The following SEMA4D variants were observed in gnomAD, a reference collection of about 807,000 sequenced individuals.
The protein encoded by SEMA4D is semaphorin-4D.
SEMA4D carries 22 observed loss-of-function variants against 74.8 expected under a neutral mutation model. That is an observed-to-expected ratio of 0.29 (90% confidence interval 0.21 to 0.42). SEMA4D has a LOEUF of 0.42. Ranked by LOEUF, SEMA4D falls within the 10% of genes least tolerant of loss-of-function variation. The probability of loss-of-function intolerance (pLI) is 1.00; values close to 1 mark genes in which losing one functional copy is unlikely to be tolerated. For missense variants in SEMA4D, 937 were observed against 1,118.4 expected, an observed-to-expected ratio of 0.84 and a Z score of 2.31; for synonymous variants, 445 against 463.7, an observed-to-expected ratio of 0.96 and a Z score of 0.52.
In SEMA4D at chr9:89,498,082, A is replaced by G. The variant is rs1826174133; in HGVS notation, c.-473T>C. The G allele has an allele frequency of 6.7e-6, 1 of 148,770 alleles. No homozygotes were observed. Among genetic ancestry groups the G allele is most frequent in the South Asian group, 1.8e-4 (1 of 5,644 alleles). 9.2% of individuals were successfully genotyped at this position (148,770 alleles called of 1,614,324 possible). A position where few individuals can be genotyped will look rare whatever the true frequency, so the allele number is the denominator to read the frequency against. Reference sequence around the variant, plus strand: ...GGCGGCTGGGATGCTGCGGCGCGCGAGAGCGCTGAGGCCGGCGCGGGGACG... The same window carrying G: ...GGCGGCTGGGATGCTGCGGCGCGCGGGAGCGCTGAGGCCGGCGCGGGGACG... On this transcript the variant is annotated 5_prime_UTR_variant, in exon 1 of 16. Transcript: ENST00000422704.
intron 1 of SEMA4D, among the ~76,000 whole-genome samples, chr9:89,461,979 G>T (rs1319438691): frequency 6.6e-6 from 1 of 152,146 alleles, no homozygotes; most frequent in African/African-American, 2.4e-5. Context: ...GGGATTACAG[G>T]CATGAGACAC....
intron 9 of SEMA4D, 93 bp downstream of exon 9, chr9:89,391,171 T>G: frequency 8.0e-7 from 1 of 1,252,472 alleles, no homozygotes; most frequent in East Asian, 2.3e-5. Context: ...CTAGGGAAAG[T>G]GACATTTGAG....
Position 89,437,579 on chromosome 9 carries a change from C to T in SEMA4D, c.-244+18309G>A, listed in dbSNP as rs564045280. Among the ~76,000 whole-genome samples, 5 of 152,272 alleles carry T rather than the reference C, an allele frequency of 3.3e-5. No homozygotes were observed. In the South Asian group the frequency reaches 6.2e-4, roughly 19 times the overall value. ...CTGAGAGGGGAGGGCACAGGCCTGG[C>T]GCATGACTGGGCTCAGTGACACGGG... On this transcript the variant is annotated intron_variant, in intron 2 of 15. Coordinates refer to ENST00000422704, the MANE Select transcript of SEMA4D (RefSeq NM_001371194.2).
intron 2 of SEMA4D, among the ~76,000 whole-genome samples, chr9:89,438,290 C>T (rs1850902599): frequency 6.6e-6 from 1 of 152,256 alleles, no homozygotes. Flanking sequence ...GGGGCCTCAG[C>T]TGGTGCTGGA....
At chr9:89,454,079 G>T (rs571909329) in intron 2 of SEMA4D, among the ~76,000 whole-genome samples, 1 of 152,062 alleles carries the variant, frequency 6.6e-6, no homozygotes, top group African/African-American at 2.4e-5. Flanking sequence ...GGATGGTCTC[G>T]ATAGAATATA....
chr9:89,468,492 A>C (rs1385686048), intron 1 of SEMA4D, among the ~76,000 whole-genome samples: 1 of 152,238 alleles, frequency 6.6e-6, no homozygotes, highest in Non-Finnish European at 1.5e-5. Flanking sequence ...CCAAATAAAA[A>C]GTGACGGCAA....
intron 1 of SEMA4D, among the ~76,000 whole-genome samples, chr9:89,461,424 C>A (rs545101622): frequency 2.0e-5 from 3 of 152,148 alleles, no homozygotes; most frequent in Non-Finnish European, 4.4e-5. Flanking sequence ...AAGCAGCACT[C>A]GGGCTCCAAA....
At chr9:89,496,130 A>G (rs1467302014) in intron 1 of SEMA4D, among the ~76,000 whole-genome samples, 1 of 152,150 alleles carries the variant, frequency 6.6e-6, no homozygotes, top group African/African-American at 2.4e-5. Context: ...CTGGATATCA[A>G]ATGCAACATG....
intron 2 of SEMA4D, among the ~76,000 whole-genome samples, chr9:89,411,481 T>A (rs536022535): frequency 1.3e-5 from 2 of 152,148 alleles, no homozygotes; most frequent in Non-Finnish European, 2.9e-5. Flanking sequence ...TGTAGGCATA[T>A]CTAATTTGAA....
rs147086169 is a variant in SEMA4D at position 89,379,609 on chromosome 9, G to A, written c.1684C>T (p.Arg562Trp). ...CCACCGTGCTTGAAAAAATGCTGCC[G>A]GTAACTTCCTTTACTTTTATCTGGA... Reference protein sequence around the residue: ...VCPDKSKGSYRQHFFKHGGTA... With the variant: ...VCPDKSKGSYWQHFFKHGGTA... Residue 562 changes from arginine (R) to tryptophan (W), a missense_variant, in exon 16 of 16, where the codon CGG becomes TGG. Transcript: ENST00000422704. 5.0e-4 allele frequency: 808 copies of A among 1,610,076 alleles called. 3 individuals carry two copies. The African/African-American group carries it at 8.2e-3, about 16-fold the overall frequency.
chr9:89,419,296 G>A (rs1301593947), intron 2 of SEMA4D, among the ~76,000 whole-genome samples: 1 of 152,162 alleles, frequency 6.6e-6, no homozygotes, highest in Non-Finnish European at 1.5e-5. Context: ...GCAAAAGTAG[G>A]TTCACATGAG....
In SEMA4D at chr9:89,386,421, G is replaced by C. The variant is rs1359870823; in HGVS notation, c.1392C>G (p.Thr464=). 1.2e-6 allele frequency: 2 copies of C among 1,614,066 alleles called. No individual in the cohort carries two copies. The highest frequency in any genetic ancestry group is 1.7e-5 in the Admixed American group (1 of 60,012). ...LEHAVHIIEE[T]QLFQDFEPVQ... ...CTGGCTCAAAGTCCTGGAAGAGCTGGGTCTCCTCGATGATGTGAACAGCGT... is the reference window on the plus strand; with the variant it reads ...CTGGCTCAAAGTCCTGGAAGAGCTGCGTCTCCTCGATGATGTGAACAGCGT... Residue 464 remains threonine (T), a synonymous_variant, in exon 13 of 16, where the codon ACC becomes ACG. Transcript: ENST00000422704.
At position 89,396,827 on chromosome 9, in the gene SEMA4D, GC is replaced by G; in HGVS notation, c.323del (p.Cys108SerfsTer31). ...AEKGKSKQTE[C>X]LNYIRVLQPL... ...GCTGCAGCACCCGGATGTAGTTGAG[GC>G]ACTCTGTCTGCAGGGAAGAGAAATG... On this transcript the variant is annotated frameshift_variant, in exon 6 of 16. Transcript: ENST00000422704. LOFTEE classifies it high-confidence loss of function. 6.2e-7 allele frequency: 1 copy of G among 1,613,422 alleles called. No homozygotes were observed. Among genetic ancestry groups the G allele is most frequent in the Non-Finnish European group, 8.5e-7 (1 of 1,179,644 alleles).
At chr9:89,490,250 G>C (rs537688414) in intron 1 of SEMA4D, among the ~76,000 whole-genome samples, 1 of 152,248 alleles carries the variant, frequency 6.6e-6, no homozygotes, top group East Asian at 1.9e-4. Flanking sequence ...ACCCAGAAGA[G>C]GAAACAATTC....
chr9:89,439,982 A>G (rs764515379), intron 2 of SEMA4D, among the ~76,000 whole-genome samples: 6 of 152,124 alleles, frequency 3.9e-5, no homozygotes, highest in African/African-American at 9.7e-5. Context: ...CACCCTCACC[A>G]CAGCCCAAAA....
chr9:89,363,354 A>C, intron 18 of SEMA4D: 1 of 1,586,634 alleles, frequency 6.3e-7, no homozygotes, highest in Non-Finnish European at 8.5e-7. Flanking sequence ...GGGGCCCTTG[A>C]AAGATCCACT....
At chr9:89,387,029 A>G (rs539759448) in intron 12 of SEMA4D, 1 of 236,036 alleles carries the variant, frequency 4.2e-6, no homozygotes, top group South Asian at 8.0e-5. Flanking sequence ...CTCTGCCAGC[A>G]GTCAGGAAAC....
intron 2 of SEMA4D, among the ~76,000 whole-genome samples, chr9:89,408,657 G>A (rs945868908): frequency 3.7e-5 from 5 of 135,928 alleles, no homozygotes; most frequent in East Asian, 2.3e-4. Context: ...ACTGGCTCCC[G>A]CGCCACTAGA....
intron 16 of SEMA4D, among the ~76,000 whole-genome samples, chr9:89,366,133 G>A (rs555227834): frequency 4.6e-5 from 7 of 152,310 alleles, no homozygotes; most frequent in African/African-American, 1.4e-4. Context: ...AAGTGCCATC[G>A]AAGAATATTC....
Sources: gnomAD v4.1 joint callset for allele counts (sites outside exome capture counted in the v4.1 genomes callset) on GRCh38, gnomAD v4.1.1 for gene constraint, MANE v1.5 for transcripts, NCBI Gene and HGNC (gene_info 2026-07-23, HGNC 2026-07-21) for gene names.